SMPD2: variants seen among roughly 807,000 people sequenced by gnomAD.
SMPD2 encodes sphingomyelin phosphodiesterase 2.
SMPD2 carries 35 observed loss-of-function variants against 41.7 expected under a neutral mutation model. The observed-to-expected ratio is 0.84, with a 90% CI of 0.64 to 1.11. SMPD2 has a LOEUF of 1.11. SMPD2 is among the 50% of genes most tolerant of loss of function. SMPD2 has a pLI of 0.00. For missense variants in SMPD2, 520 were observed against 524.8 expected (o/e 0.99, Z 0.09); for synonymous variants, 201 against 208.2 (o/e 0.97, Z 0.30).
Position 109,441,464 on chromosome 6 carries a change from G to GC in SMPD2, c.147+12dup. 1 of 1,613,308 alleles carries GC rather than the reference G, an allele frequency of 6.2e-7. No homozygotes were observed. The stretch of plus-strand genomic sequence containing the variant: ...GCTTTGCTGGAGGAGGTGAGATTGT[G>GC]CAGCACGGTGCGGAACCCAGGCTGG... On this transcript the variant is annotated intron_variant, in intron 2 of 9. Transcript: ENST00000258052.
rs982209393 is a variant in SMPD2, at chr6:109,442,527, C to G, written c.409-16C>G. 6 of 1,602,824 alleles carry G rather than the reference C, an allele frequency of 3.7e-6. No individual in the cohort carries two copies. Among genetic ancestry groups the G allele is most frequent in the Non-Finnish European group, 5.1e-6 (6 of 1,172,376 alleles). ...CCCTCAGTCTTATCTGCTGTGATCTCATCTATCTTGCTCAGCTCCATGCCG... is the reference window on the plus strand; with the variant it reads ...CCCTCAGTCTTATCTGCTGTGATCTGATCTATCTTGCTCAGCTCCATGCCG... On this transcript the variant is annotated splice_polypyrimidine_tract_variant and intron_variant, in intron 5 of 9. Coordinates refer to ENST00000258052, the MANE Select transcript of SMPD2 (RefSeq NM_003080.3).
chr6:109,441,889 G>C, intron 3 of SMPD2, 85 bp from the exon 4 acceptor site: 1 of 1,273,012 alleles, frequency 7.9e-7, no homozygotes, highest in Middle Eastern at 1.9e-4. Context: ...AAAAATAGCT[G>C]ATCAGAGCTG....
At chr6:109,443,207 C>T in intron 8 of SMPD2, 60 bp from the exon 9 acceptor site, 2 of 1,594,670 alleles carry the variant, frequency 1.3e-6, no homozygotes, top group Non-Finnish European at 1.7e-6. Context: ...TAGCCGGGAG[C>T]TGGTTCTCTG....
In SMPD2 at chr6:109,442,641, C is replaced by A; in HGVS notation, c.491+16C>A. The A allele has an allele frequency of 1.2e-6, 2 of 1,614,154 alleles. No homozygotes were observed. The highest frequency in any genetic ancestry group is 1.7e-6 in the Non-Finnish European group (2 of 1,180,016). ...AGTTCATCCAGTGTGTGAGCCTGGG[C>A]TTGAAATGGGAAGTGGGATGGGACC... On this transcript the variant is annotated intron_variant, in intron 6 of 9. Coordinates refer to ENST00000258052, the MANE Select transcript of SMPD2 (RefSeq NM_003080.3).
At position 109,443,891 on chromosome 6, in the gene SMPD2, A is replaced by G. The variant is rs368060103; in HGVS notation, c.1258A>G (p.Thr420Ala). The G allele has an allele frequency of 1.9e-6, 3 of 1,607,416 alleles. No individual in the cohort carries two copies. The highest frequency in any genetic ancestry group is 2.5e-6 in the Non-Finnish European group (3 of 1,177,358). Residue 420 changes from threonine (T) to alanine (A), a missense_variant, in exon 10 of 10, where the codon ACT (threonine) becomes GCT (alanine). By Grantham distance (58) the Thr-to-Ala change is moderately conservative (BLOSUM62 0). Coordinates refer to ENST00000258052, the MANE Select transcript of SMPD2 (RefSeq NM_003080.3). Reference protein sequence around the residue: ...LLLGQQEGDRTKEQ With the variant: ...LLLGQQEGDRAKEQ ...CCTGGGGCAGCAGGAGGGGGACAGA[A>G]CTAAAGAACAATAAAGCTTGGCCCT...
In SMPD2 at chr6:109,443,430, C is replaced by T; in HGVS notation, c.883+10C>T. ...CCCAGCTCTACCCACGGTGAGTCAC[C>T]CCCACCCTTTCCTTGGCCCTTGCCC... On this transcript the variant is annotated intron_variant, in intron 9 of 9. Transcript: ENST00000258052. 1.2e-6 allele frequency: 2 copies of T among 1,613,004 alleles called. No individual in the cohort carries two copies. Among genetic ancestry groups the T allele is most frequent in the Non-Finnish European group, 1.7e-6 (2 of 1,179,200 alleles).
At position 109,440,762 on chromosome 6, in the gene SMPD2, GGCGGCC is replaced by G; in HGVS notation, c.-356_-351del. On this transcript the variant is annotated 5_prime_UTR_variant, in exon 1 of 10. Transcript: ENST00000258052. The stretch of plus-strand genomic sequence containing the variant: ...CCTGTTGCTGGGCCGCCGGCGCGCG[GGCGGCC>G]GCGACCGCCGGGGACGAGCTTGGAG... 1 of 373,668 alleles carries G rather than the reference GGCGGCC, an allele frequency of 2.7e-6. No individual in the cohort carries two copies. The highest frequency in any genetic ancestry group is 4.2e-6 in the Non-Finnish European group (1 of 237,678). 23.1% of individuals were successfully genotyped at this position (373,668 alleles called of 1,614,324 possible).
intron 5 of SMPD2, 94 bp from the exon 6 acceptor site, chr6:109,442,449 C>G (rs1774960239): frequency 7.2e-7 from 1 of 1,381,090 alleles, no homozygotes; most frequent in Non-Finnish European, 1.0e-6. Context: ...CATTGTATAC[C>G]AAACACCATG....
At chr6:109,442,721 A>G in intron 6 of SMPD2, 31 bp from the exon 7 acceptor site, 3 of 1,610,416 alleles carry the variant, frequency 1.9e-6, no homozygotes, top group Non-Finnish European at 2.5e-6. Flanking sequence ...GTGATGGAAG[A>G]ACTCCCGCCT....
chr6:109,441,471 G>A lies in SMPD2; in HGVS notation c.147+18G>A, dbSNP rs779242483. 11 of 1,612,706 alleles carry A rather than the reference G, an allele frequency of 6.8e-6. No individual in the cohort carries two copies. The highest frequency in any genetic ancestry group is 5.3e-5 in the African/African-American group (4 of 74,900). ...TGGAGGAGGTGAGATTGTGCAGCAC[G>A]GTGCGGAACCCAGGCTGGGAGGAGG... On this transcript the variant is annotated intron_variant, in intron 2 of 9. Transcript: ENST00000258052.
chr6:109,441,925 G>T, intron 3 of SMPD2, 49 bp from the exon 4 acceptor site: 2 of 1,507,836 alleles, frequency 1.3e-6, no homozygotes, highest in East Asian at 4.5e-5. Context: ...GAAGAAGGCT[G>T]GGTGTCTCTC....
chr6:109,442,330 G>T, intron 5 of SMPD2, 31 bp downstream of exon 5: 1 of 1,586,060 alleles, frequency 6.3e-7, no homozygotes, highest in Non-Finnish European at 8.7e-7. Flanking sequence ...CTAGGGCTGG[G>T]ACATGCAGCC....
intron 5 of SMPD2, 110 bp from the exon 6 acceptor site, chr6:109,442,433 C>G: frequency 7.5e-7 from 1 of 1,338,586 alleles, no homozygotes; most frequent in South Asian, 1.2e-5. Flanking sequence ...ATGGGCAAGG[C>G]TTATCCATTG....
At chr6:109,441,728 C>T in intron 3 of SMPD2, 100 bp downstream of exon 3, 1 of 1,105,568 alleles carries the variant, frequency 9.0e-7, no homozygotes, top group African/African-American at 1.5e-5. Flanking sequence ...CTCCTCCAGC[C>T]TCCTCTCCCT....
chr6:109,441,344 T>C lies in SMPD2; in HGVS notation c.51-13T>C. 1 of 1,612,638 alleles carries C rather than the reference T, an allele frequency of 6.2e-7. No homozygotes were observed. Among genetic ancestry groups the C allele is most frequent in the Non-Finnish European group, 8.5e-7 (1 of 1,178,712 alleles). On this transcript the variant is annotated splice_polypyrimidine_tract_variant and intron_variant, in intron 1 of 9. Coordinates refer to ENST00000258052, the MANE Select transcript of SMPD2 (RefSeq NM_003080.3). ...AGCAGTCGCCTCCCCTGCCCCGCTC[T>C]TCCCTTCCTTAGGGGCATTCCGTAC... is the stretch of plus-strand genomic sequence containing the variant.
At position 109,443,409 on chromosome 6, in the gene SMPD2, G is replaced by A; in HGVS notation, c.872G>A (p.Ser291Asn). Residue 291 changes from serine to asparagine, a missense_variant, in exon 9 of 10, where the codon AGC becomes AAC. Transcript: ENST00000258052. ...CACAGCCCCCCACAGCAGAACCCCA[G>A]CTCTACCCACGGTGAGTCACCCCCA... ...VRHSPPQQNP[S>N]STHGPAERSP... 1 of 1,613,992 alleles carries A rather than the reference G, an allele frequency of 6.2e-7. No individual in the cohort carries two copies. The highest frequency in any genetic ancestry group is 8.5e-7 in the Non-Finnish European group (1 of 1,179,956).
Position 109,443,908 on chromosome 6 carries a change from C to T in SMPD2, c.*3C>T, listed in dbSNP as rs998152681. ...GGGACAGAACTAAAGAACAATAAAG[C>T]TTGGCCCTTTAGTGGCTCTGCCTTT... On this transcript the variant is annotated 3_prime_UTR_variant, in exon 10 of 10. Transcript: ENST00000258052. 1 of 1,597,202 alleles carries T rather than the reference C, an allele frequency of 6.3e-7. No homozygotes were observed. Among genetic ancestry groups the T allele is most frequent in the South Asian group, 1.1e-5 (1 of 90,516 alleles).
chr6:109,442,136 C>T (rs1419713040), intron 4 of SMPD2, 69 bp downstream of exon 4: 4 of 1,583,512 alleles, frequency 2.5e-6, no homozygotes. Flanking sequence ...GAGGAGGCAG[C>T]CCTCTGAGAG....
At chr6:109,442,444 T>C in intron 5 of SMPD2, 99 bp from the exon 6 acceptor site, 2 of 1,351,412 alleles carry the variant, frequency 1.5e-6, no homozygotes, top group Non-Finnish European at 2.1e-6. Context: ...TTATCCATTG[T>C]ATACCAAACA....
Sources: allele counts gnomAD v4.1 joint callset, GRCh38; gene constraint gnomAD v4.1.1; transcripts MANE v1.5; gene names NCBI Gene and HGNC (gene_info 2026-07-23, HGNC 2026-07-21).